The following IRS2 variants were observed in gnomAD, a reference collection of about 807,000 sequenced individuals.
IRS2 encodes the protein insulin receptor substrate 2.
IRS2 carries 28 observed loss-of-function variants against 70.9 expected under a neutral mutation model. The observed-to-expected ratio is 0.39, with a 90% confidence interval of 0.29 to 0.54. The LOEUF (loss-of-function observed/expected upper bound fraction) is 0.54, where lower values mean the gene tolerates loss of function less well. Ranked by LOEUF, IRS2 falls within the 20% of genes least tolerant of loss-of-function variation. The probability of loss-of-function intolerance (pLI) is 0.59; values close to 1 mark genes in which losing one functional copy is unlikely to be tolerated. For missense variants in IRS2, 2,081 were observed against 2,024.1 expected (o/e 1.03, Z -0.54); for synonymous variants, 1,217 against 981.9 (o/e 1.24, Z -4.48).
Position 109,785,423 on chromosome 13 carries a change from T to C in IRS2, c.631A>G (p.Lys211Glu). The change falls in exon 1 of 2, where the codon AAG becomes GAG. Residue 211 changes from lysine to glutamate, a missense_variant. By Grantham distance (56) the Lys-to-Glu change is moderately conservative. Coordinates refer to ENST00000375856, the MANE Select transcript of IRS2 (RefSeq NM_003749.3). This position sits in a 1 kb window ranked among gnomAD's most constrained non-coding sequence, Gnocchi z 9.3. ...AGACGGTACACCCCCGTCAGGTTCT[T>C]GCTCTGGCCCAGACCCTTGGGCTTC... ...NLKPKGLGQSKNLTGVYRLCL... is the reference protein window; with the variant it reads ...NLKPKGLGQSENLTGVYRLCL... 6.2e-7 allele frequency: 1 copy of C among 1,612,328 alleles called. No homozygotes were observed. The highest frequency in any genetic ancestry group is 8.5e-7 in the Non-Finnish European group (1 of 1,179,838).
chr13:109,756,733 C>T (rs1179879288), intron 1 of IRS2, among the ~76,000 whole-genome samples: 1 of 152,166 alleles, frequency 6.6e-6, no homozygotes, highest in African/African-American at 2.4e-5. Flanking sequence ...ACTTGCCTTC[C>T]TCCCAGGGCT....
intron 1 of IRS2, among the ~76,000 whole-genome samples, chr13:109,773,311 A>C (rs1431901997): frequency 6.6e-6 from 1 of 152,218 alleles, no homozygotes; most frequent in Non-Finnish European, 1.5e-5. Flanking sequence ...GCAAATTCTA[A>C]ATTGATTAGT....
At chr13:109,775,753 AACACACACACACACACACACACAC>A (rs71127906) in intron 1 of IRS2, among the ~76,000 whole-genome samples, 4 of 140,460 alleles carry the variant, frequency 2.8e-5, no homozygotes, top group East Asian at 2.1e-4. Context: ...ATATTATGGA[AACACACACACACACACACACACAC>A]ACACACACAC....
At chr13:109,770,728 G>A (rs1387485776) in intron 1 of IRS2, among the ~76,000 whole-genome samples, 1 of 152,212 alleles carries the variant, frequency 6.6e-6, no homozygotes, top group African/African-American at 2.4e-5. Flanking sequence ...GACTCTGAAG[G>A]CACCTAGGGA....
In IRS2 at chr13:109,785,397, C is replaced by T; in HGVS notation, c.657G>A (p.Leu219=). The T allele has an allele frequency of 6.2e-7, 1 of 1,612,518 alleles. No homozygotes were observed. Among genetic ancestry groups the T allele is most frequent in the Non-Finnish European group, 8.5e-7 (1 of 1,179,910 alleles). Residue 219 remains leucine, a synonymous_variant, in exon 1 of 2, where the codon CTG becomes CTA. Coordinates refer to ENST00000375856, the MANE Select transcript of IRS2 (RefSeq NM_003749.3). This position sits in a 1 kb window ranked among gnomAD's most constrained non-coding sequence, Gnocchi z 9.3. ...AGCCGATGGTGCGCGCAGACAGGCA[C>T]AGACGGTACACCCCCGTCAGGTTCT... is the stretch of plus-strand genomic sequence containing the variant. ...QSKNLTGVYR[L]CLSARTIGFV...
rs1482450836 is a variant in IRS2, at chr13:109,783,413, A to G, written c.2641T>C (p.Leu881=). ...RPSGGRPEGF[L]GQRGRAVRPT... is the part of the protein sequence containing the mutation. ...CTCACCGCCCGGCCGCGCTGGCCCA[A>G]GAAGCCCTCCGGGCGGCCGCCGCTA... Residue 881 remains leucine (L), a synonymous_variant, in exon 1 of 2, where the codon TTG becomes CTG. Coordinates refer to ENST00000375856, the MANE Select transcript of IRS2 (RefSeq NM_003749.3). 3 of 1,487,126 alleles carry G rather than the reference A, an allele frequency of 2.0e-6. No individual in the cohort carries two copies. Among genetic ancestry groups the G allele is most frequent in the Non-Finnish European group, 2.7e-6 (3 of 1,128,280 alleles). The allele number at this position is 1,487,126 out of a possible 1,614,324, so 92.1% of individuals were successfully genotyped here.
Position 109,782,745 on chromosome 13 carries a change from C to T in IRS2, c.3309G>A (p.Ser1103=), listed in dbSNP as rs1003764533. ...PEAARVASPT[S]GVKRLSLMEQ... is the part of the protein sequence containing the mutation. ...CCATGAGGCTCAGCCTCTTCACGCC[C>T]GACGTCGGGCTGGCCACGCGGGCAG... Residue 1103 remains serine (S), a synonymous_variant, in exon 1 of 2, where the codon TCG becomes TCA. Coordinates refer to ENST00000375856, the MANE Select transcript of IRS2 (RefSeq NM_003749.3). 8.8e-6 allele frequency: 14 copies of T among 1,598,902 alleles called. No homozygotes were observed. In the African/African-American group the frequency reaches 1.2e-4, roughly 14 times the overall value.
intron 1 of IRS2, among the ~76,000 whole-genome samples, chr13:109,778,330 A>G (rs1044740826): frequency 6.6e-5 from 10 of 152,214 alleles, no homozygotes; most frequent in African/African-American, 2.4e-4. Context: ...TCCACATACT[A>G]TGCTTCCTTC....
At position 109,786,103 on chromosome 13, in the gene IRS2, G is replaced by T. The variant is rs1877916537; in HGVS notation, c.-50C>A. 8.1e-6 allele frequency: 8 copies of T among 992,552 alleles called. No individual in the cohort carries two copies. Among genetic ancestry groups the T allele is most frequent in the East Asian group, 2.2e-4 (2 of 9,200 alleles). 61.5% of individuals were successfully genotyped at this position (992,552 alleles called of 1,614,324 possible). A position where few individuals can be genotyped will look rare whatever the true frequency, so the allele number is the denominator to read the frequency against. ...CCGGGCCCGGCGCCCAGGGGTTGGG[G>T]CGAGGGGCGGAGGGGGCGCGGGCGG... On this transcript the variant is annotated 5_prime_UTR_variant, in exon 1 of 2. Coordinates refer to ENST00000375856, the MANE Select transcript of IRS2 (RefSeq NM_003749.3). This position sits in a 1 kb window ranked among gnomAD's most constrained non-coding sequence, Gnocchi z 4.4.
intron 1 of IRS2, among the ~76,000 whole-genome samples, chr13:109,759,767 G>C (rs74765657): frequency 0.05 from 7,574 of 152,104 alleles, 186 homozygotes; most frequent in African/African-American, 0.064. Context: ...AGGGCTCTCT[G>C]TAGTTCACAC....
chr13:109,765,136 A>G (rs1007303400), intron 1 of IRS2, among the ~76,000 whole-genome samples: 3 of 152,196 alleles, frequency 2.0e-5, no homozygotes, highest in African/African-American at 7.2e-5. Flanking sequence ...GGGGGACAGC[A>G]CTTCCCTTCT....
chr13:109,784,847 GC>G lies in IRS2; in HGVS notation c.1206del (p.His403ThrfsTer3). Reference sequence around the variant, plus strand: ...CCGCCGCAGCCGCCGCTCAGGGTGTGCGAGCGGCTCAGGGGCGCGCGCACCG... The same window carrying G: ...CCGCCGCAGCCGCCGCTCAGGGTGTGGAGCGGCTCAGGGGCGCGCGCACCG... The part of the protein sequence containing the change: ...PGPVRAPLSR[S>X]HTLSGGCGGR... On this transcript the variant is annotated frameshift_variant, in exon 1 of 2. Transcript: ENST00000375856. LOFTEE classifies it high-confidence loss of function. This position sits in a 1 kb window ranked among gnomAD's most constrained non-coding sequence, Gnocchi z 5.2. 8.1e-7 allele frequency: 1 copy of G among 1,234,230 alleles called. No homozygotes were observed. The highest frequency in any genetic ancestry group is 1.0e-6 in the Non-Finnish European group (1 of 977,706). 76.5% of individuals were successfully genotyped at this position (1,234,230 alleles called of 1,614,324 possible).
chr13:109,778,132 C>T lies in IRS2; in HGVS notation c.4012+3910G>A, dbSNP rs1877618835. Among the ~76,000 whole-genome samples, 4 of 152,300 alleles carry T rather than the reference C, an allele frequency of 2.6e-5. No homozygotes were observed. In the South Asian group the frequency reaches 6.2e-4, roughly 24 times the overall value. On this transcript the variant is annotated intron_variant, in intron 1 of 1. Transcript: ENST00000375856. ...TCTTCCTTTAGAAGAGCTTAAAACA[C>T]TCTTGATGTTTATGACCTCATTTAC...
Position 109,783,518 on chromosome 13 carries a change from C to T in IRS2, c.2536G>A (p.Gly846Arg), listed in dbSNP as rs1396312401. Residue 846 changes from glycine to arginine, a missense_variant, in exon 1 of 2, where the codon GGG becomes AGG. Physicochemically the swap from Gly to Arg is moderately radical, Grantham distance 125. This residue lies in a region of IRS2 where 1,615 missense variants were observed against 1,459.5 expected (regional missense o/e 1.11). Coordinates refer to ENST00000375856, the MANE Select transcript of IRS2 (RefSeq NM_003749.3). ...AAGGCGCTGGCCGCCTGGCTGGGCC[C>T]TGGCGTGGCCTGAGGCTCCAGACGC... Reference protein sequence around the residue: ...EERLEPQATPGPSQAASAFGA... With the variant: ...EERLEPQATPRPSQAASAFGA... 21 of 1,548,074 alleles carry T rather than the reference C, an allele frequency of 1.4e-5. No homozygotes were observed. Among genetic ancestry groups the T allele is most frequent in the Non-Finnish European group, 1.8e-5 (21 of 1,146,344 alleles).
chr13:109,783,429 G>C lies in IRS2; in HGVS notation c.2625C>G (p.Gly875=), dbSNP rs1304368331. ...VVPSPVRPSG[G]RPEGFLGQRG... is the part of the protein sequence containing the mutation. ...GCTGGCCCAAGAAGCCCTCCGGGCG[G>C]CCGCCGCTAGGCCGCACGGGCGAAG... Residue 875 remains glycine, a synonymous_variant, in exon 1 of 2, where the codon GGC becomes GGG. Coordinates refer to ENST00000375856, the MANE Select transcript of IRS2 (RefSeq NM_003749.3). 6.7e-7 allele frequency: 1 copy of C among 1,495,172 alleles called. No individual in the cohort carries two copies. The highest frequency in any genetic ancestry group is 8.8e-7 in the Non-Finnish European group (1 of 1,131,024). 92.6% of individuals were successfully genotyped at this position (1,495,172 alleles called of 1,614,324 possible).
At position 109,783,436 on chromosome 13, in the gene IRS2, C is replaced by A; in HGVS notation, c.2618G>T (p.Ser873Ile). 6.6e-7 allele frequency: 1 copy of A among 1,518,438 alleles called. No homozygotes were observed. 94.1% of individuals were successfully genotyped at this position (1,518,438 alleles called of 1,614,324 possible). A position where few individuals can be genotyped will look rare whatever the true frequency, so the allele number is the denominator to read the frequency against. Residue 873 changes from serine (S) to isoleucine (I), a missense_variant, in exon 1 of 2, where the codon AGC (serine) becomes ATC (isoleucine). By Grantham distance (142) the Ser-to-Ile change is moderately radical. Coordinates refer to ENST00000375856, the MANE Select transcript of IRS2 (RefSeq NM_003749.3). ...CAAGAAGCCCTCCGGGCGGCCGCCG[C>A]TAGGCCGCACGGGCGAAGGCACTAC... ...HPVVPSPVRPSGGRPEGFLGQ... is the reference protein window; with the variant it reads ...HPVVPSPVRPIGGRPEGFLGQ...
At chr13:109,756,752 G>A (rs939350131) in intron 1 of IRS2, among the ~76,000 whole-genome samples, 1 of 152,142 alleles carries the variant, frequency 6.6e-6, no homozygotes, top group Non-Finnish European at 1.5e-5. Flanking sequence ...CTGCAGAGAT[G>A]AAAAACTATG....
chr13:109,769,867 T>C (rs1877414483), intron 1 of IRS2, among the ~76,000 whole-genome samples: 1 of 152,230 alleles, frequency 6.6e-6, no homozygotes, highest in Admixed American at 6.5e-5. Flanking sequence ...ATTTAACAGT[T>C]TGAATACATT....
intron 1 of IRS2, among the ~76,000 whole-genome samples, chr13:109,768,543 C>T (rs1877384500): frequency 6.6e-6 from 1 of 152,182 alleles, no homozygotes; most frequent in African/African-American, 2.4e-5. Flanking sequence ...CACATTTTTT[C>T]TAACTTCTAT....
Sources: gnomAD v4.1 joint callset for allele counts (sites outside exome capture counted in the v4.1 genomes callset) on GRCh38, gnomAD v4.1.1 for gene constraint, gnomAD v4.1.1 regional missense constraint, Gnocchi (gnomAD v3.1) non-coding constraint, MANE v1.5 for transcripts, NCBI Gene and HGNC (gene_info 2026-07-23, HGNC 2026-07-21) for gene names.